Variants in ARHGEF10 observed in about 807,000 individuals in gnomAD.
The protein encoded by ARHGEF10 is Rho guanine nucleotide exchange factor (GEF) 10.
A neutral mutation model predicts 147.4 loss-of-function variants in ARHGEF10; 140 were observed. That is an observed-to-expected ratio of 0.95 (90% CI 0.83 to 1.09). ARHGEF10 has a LOEUF of 1.09. Among genes scored for constraint, ARHGEF10 ranks in the 50% least tolerant of loss-of-function variants. The pLI, the probability that ARHGEF10 is intolerant of heterozygous loss-of-function variation, is 0.00. For synonymous variants in ARHGEF10, 902 were observed against 695.8 expected, an observed-to-expected ratio of 1.30 and a Z score of -4.67; for missense variants, 2,222 against 1,752.7, an observed-to-expected ratio of 1.27 and a Z score of -4.78.
intron 17 of ARHGEF10, 109 bp from the exon 18 acceptor site, chr8:1,909,186 G>C: frequency 6.9e-7 from 1 of 1,454,020 alleles, no homozygotes; most frequent in South Asian, 1.1e-5. Context: ...AGTCTGAAGA[G>C]TTACAATTCA....
chr8:1,881,432 G>C (rs1236687936), intron 9 of ARHGEF10, among the ~76,000 whole-genome samples: 1 of 152,224 alleles, frequency 6.6e-6, no homozygotes, highest in East Asian at 1.9e-4. Context: ...AGGCTGTGCA[G>C]GACGGAAACG....
At chr8:1,890,626 A>C (rs535920469) in intron 11 of ARHGEF10, among the ~76,000 whole-genome samples, 1 of 150,746 alleles carries the variant, frequency 6.6e-6, no homozygotes, top group Non-Finnish European at 1.5e-5. Context: ...ATGAAGAGAC[A>C]CTGAGTGCAG....
intron 26 of ARHGEF10, among the ~76,000 whole-genome samples, chr8:1,941,779 A>C (rs1259769396): frequency 6.6e-6 from 1 of 152,234 alleles, no homozygotes; most frequent in Non-Finnish European, 1.5e-5. Context: ...TCAGTGACAT[A>C]GACCGGAGAC....
At chr8:1,951,220 C>A (rs1815019994) in intron 27 of ARHGEF10, among the ~76,000 whole-genome samples, 1 of 152,398 alleles carries the variant, frequency 6.6e-6, no homozygotes, top group Middle Eastern at 3.4e-3. Context: ...GCGCCCCGGG[C>A]TGCTCCCCGT....
chr8:1,943,344 G>A (rs955882736), intron 26 of ARHGEF10, among the ~76,000 whole-genome samples: 1 of 152,224 alleles, frequency 6.6e-6, no homozygotes, highest in Non-Finnish European at 1.5e-5. Context: ...GGAGGAAGGA[G>A]CCAGTGCCGC....
rs570476400 is a variant in ARHGEF10 at position 1,867,107 on chromosome 8, C to T, written c.622+505C>T. Among the ~76,000 whole-genome samples the T allele has an allele frequency of 4.0e-5, 6 of 151,796 alleles. No individual in the cohort carries two copies. In the East Asian group the frequency reaches 5.8e-4, roughly 15 times the overall value. On this transcript the variant is annotated intron_variant, in intron 6 of 28. Transcript: ENST00000349830. ...TCGTACAAATTTAAATGGGGATTCCCGAATAAATGTTTTGTTAATTTACCT... is the reference window on the plus strand; with the variant it reads ...TCGTACAAATTTAAATGGGGATTCCTGAATAAATGTTTTGTTAATTTACCT...
At chr8:1,950,545 T>A (rs1814948392) in intron 27 of ARHGEF10, among the ~76,000 whole-genome samples, 1 of 151,642 alleles carries the variant, frequency 6.6e-6, no homozygotes, top group African/African-American at 2.4e-5. Context: ...TTTATTTATT[T>A]ATTTGAAACG....
At chr8:1,887,597 G>C (rs1347024455) in intron 11 of ARHGEF10, among the ~76,000 whole-genome samples, 1 of 150,348 alleles carries the variant, frequency 6.7e-6, no homozygotes, top group Non-Finnish European at 1.5e-5. Context: ...AGGGGTCTGT[G>C]AGAAGTCCCT....
chr8:1,924,860 T>C (rs1812565782), intron 21 of ARHGEF10, among the ~76,000 whole-genome samples: 1 of 152,254 alleles, frequency 6.6e-6, no homozygotes, highest in Admixed American at 6.5e-5. Flanking sequence ...CTCCATTTTG[T>C]TGTACTTTTG....
At chr8:1,853,937 C>G (rs1026599264) in intron 2 of ARHGEF10, among the ~76,000 whole-genome samples, 7 of 152,218 alleles carry the variant, frequency 4.6e-5, no homozygotes, top group Admixed American at 6.5e-5. Flanking sequence ...CTCCTGTAAA[C>G]CAATTGCACC....
chr8:1,858,390 C>T (rs1805782292), intron 3 of ARHGEF10, among the ~76,000 whole-genome samples: 1 of 152,140 alleles, frequency 6.6e-6, no homozygotes, highest in East Asian at 1.9e-4. Context: ...TTTCTAGGAG[C>T]CAGAGAGTTA....
intron 18 of ARHGEF10, among the ~76,000 whole-genome samples, chr8:1,920,154 A>T (rs1585541695): frequency 6.6e-6 from 1 of 151,178 alleles, no homozygotes; most frequent in Admixed American, 6.6e-5. Context: ...GTTCTCCCTC[A>T]GGCTTACTGC....
intron 18 of ARHGEF10, among the ~76,000 whole-genome samples, chr8:1,917,631 GCGGAAGTGCAGCAATTGTGTGTCAC>G (rs1412910119): frequency 2.6e-5 from 4 of 152,222 alleles, no homozygotes; most frequent in Admixed American, 1.3e-4. Context: ...AAGTGCTTTT[GCGGAAGTGCAGCAATTGTGTGTCAC>G]TGCAGCGACA....
intron 2 of ARHGEF10, among the ~76,000 whole-genome samples, chr8:1,846,156 A>G (rs1041485255): frequency 1.3e-5 from 2 of 152,172 alleles, no homozygotes; most frequent in Non-Finnish European, 2.9e-5. Context: ...GGAGCCCGGG[A>G]GCCGCGGAGG....
At chr8:1,832,235 C>T (rs920750017) in intron 1 of ARHGEF10, among the ~76,000 whole-genome samples, 6 of 45,494 alleles carry the variant, frequency 1.3e-4, no homozygotes, top group South Asian at 8.7e-4. Flanking sequence ...GGAGGAGTTG[C>T]GGTGGGCGGG....
At chr8:1,886,745 C>T (rs989445730) in intron 11 of ARHGEF10, among the ~76,000 whole-genome samples, 6 of 152,202 alleles carry the variant, frequency 3.9e-5, no homozygotes, top group Non-Finnish European at 8.8e-5. Flanking sequence ...ATCCCGTTGC[C>T]ATCCTTGTGT....
At chr8:1,863,531 C>G (rs748755040) in intron 4 of ARHGEF10, among the ~76,000 whole-genome samples, 1 of 152,232 alleles carries the variant, frequency 6.6e-6, no homozygotes, top group Non-Finnish European at 1.5e-5. Flanking sequence ...GCTGCTGGCT[C>G]TCCTTCCCCA....
intron 18 of ARHGEF10, among the ~76,000 whole-genome samples, chr8:1,921,973 A>G: frequency 6.6e-6 from 1 of 152,110 alleles, no homozygotes. Flanking sequence ...TTCTATGAGA[A>G]GTGGAAAAGA....
In ARHGEF10 at chr8:1,831,602, A is replaced by C. The variant is rs548770209; in HGVS notation, c.-48+7489A>C. Among the ~76,000 whole-genome samples the C allele has an allele frequency of 4.9e-3, 714 of 146,796 alleles. 78 individuals are homozygous for C. Among genetic ancestry groups the C allele is most frequent in the African/African-American group, 0.017 (688 of 39,562 alleles). On this transcript the variant is annotated intron_variant, in intron 1 of 28. Transcript: ENST00000349830. Reference sequence around the variant, plus strand: ...GACAGTGTGACGGCCGTGGAGGGACAGTGGCAGCCGTGGAGGGGCCGTGCA... The same window carrying C: ...GACAGTGTGACGGCCGTGGAGGGACCGTGGCAGCCGTGGAGGGGCCGTGCA...
Sources: gnomAD v4.1 joint callset for allele counts (sites outside exome capture counted in the v4.1 genomes callset) on GRCh38, gnomAD v4.1.1 for gene constraint, MANE v1.5 for transcripts, NCBI Gene and HGNC (gene_info 2026-07-23, HGNC 2026-07-21) for gene names.